POGLUT1: variants seen among roughly 807,000 people sequenced by gnomAD.
POGLUT1 encodes the protein protein O-glucosyltransferase 1.
A neutral mutation model predicts 61.3 loss-of-function variants in POGLUT1; 32 were observed. That is an observed-to-expected ratio of 0.52 (90% confidence interval 0.39 to 0.70). POGLUT1 has a LOEUF of 0.70. POGLUT1 is among the 30% of genes least tolerant of loss of function. POGLUT1 has a pLI of 0.00. For synonymous variants in POGLUT1, 158 were observed against 158.2 expected (o/e 1.00, Z 0.01); for missense variants, 411 against 469.8 (o/e 0.87, Z 1.16).
chr3:119,480,242 C>A, intron 5 of POGLUT1, 70 bp downstream of exon 5: 7 of 1,218,762 alleles, frequency 5.7e-6, no homozygotes, highest in Non-Finnish European at 7.9e-6. Flanking sequence ...AGAATATAAC[C>A]AATTATTTAC....
chr3:119,491,199 A>G, intron 9 of POGLUT1, among the ~76,000 whole-genome samples: 1 of 147,952 alleles, frequency 6.8e-6, no homozygotes, highest in Admixed American at 6.8e-5. Flanking sequence ...ATATATTTAT[A>G]TATAAATATG....
intron 3 of POGLUT1, among the ~76,000 whole-genome samples, chr3:119,475,251 T>C (rs1197676291): frequency 6.6e-6 from 1 of 152,244 alleles, no homozygotes; most frequent in Non-Finnish European, 1.5e-5. Flanking sequence ...CTTTTCCATA[T>C]AACAGTAGAT....
chr3:119,476,674 C>T (rs1203174602), intron 3 of POGLUT1, among the ~76,000 whole-genome samples: 1 of 152,222 alleles, frequency 6.6e-6, no homozygotes, highest in African/African-American at 2.4e-5. Flanking sequence ...ACAAGCTAAA[C>T]TGTCAGTGTA....
rs771397092 is a variant in POGLUT1, at chr3:119,492,278, C to G, written c.1023-4C>G. The G allele has an allele frequency of 5.6e-6, 9 of 1,593,554 alleles. No homozygotes were observed. In the Admixed American group the frequency reaches 1.6e-4, roughly 28 times the overall value. ...AACATTTTCTTGTTAAATCTTGTCTCTAGGGGAAGCCAGTTTATTAGGAAC... is the reference window on the plus strand; with the variant it reads ...AACATTTTCTTGTTAAATCTTGTCTGTAGGGGAAGCCAGTTTATTAGGAAC... On this transcript the variant is annotated splice_region_variant and splice_polypyrimidine_tract_variant and intron_variant, in intron 10 of 10. Coordinates refer to ENST00000295588, the MANE Select transcript of POGLUT1 (RefSeq NM_152305.3).
intron 6 of POGLUT1, among the ~76,000 whole-genome samples, chr3:119,486,247 G>A (rs1475515173): frequency 6.6e-6 from 1 of 152,110 alleles, no homozygotes; most frequent in Non-Finnish European, 1.5e-5. Context: ...CATTTTTCTG[G>A]GAAGGAGAGA....
chr3:119,484,153 A>G (rs1215926290), intron 5 of POGLUT1, among the ~76,000 whole-genome samples: 14 of 152,316 alleles, frequency 9.2e-5, no homozygotes, highest in South Asian at 2.1e-4. Context: ...CCATCCAGAA[A>G]AGGCCAGAGG....
At chr3:119,469,407 T>A in intron 1 of POGLUT1, 1 of 565,288 alleles carries the variant, frequency 1.8e-6, no homozygotes, top group South Asian at 2.0e-5. Context: ...CCTGAAACAC[T>A]GAGGGGTCGG....
At chr3:119,470,066 G>A (rs2081452495) in intron 2 of POGLUT1, among the ~76,000 whole-genome samples, 156 bp downstream of exon 2, 1 of 152,174 alleles carries the variant, frequency 6.6e-6, no homozygotes, top group African/African-American at 2.4e-5. Context: ...AAAGGCTCAG[G>A]TGGTGTCAAC....
Position 119,492,322 on chromosome 3 carries a change from A to G in POGLUT1, c.1063A>G (p.Ile355Val), listed in dbSNP as rs752211135. 6.2e-7 allele frequency: 1 copy of G among 1,610,858 alleles called. No homozygotes were observed. Among genetic ancestry groups the G allele is most frequent in the South Asian group, 1.1e-5 (1 of 90,626 alleles). The change falls in exon 11 of 11, where the codon ATC becomes GTC. Residue 355 changes from isoleucine to valine, a missense_variant. By Grantham distance (29) the Ile-to-Val change is conservative. Transcript: ENST00000295588. ...FIRNHLQMDD[I>V]TCYWENLLSE... ...TAGGAACCATTTGCAGATGGATGACATCACCTGTTACTGGGAGAACCTCTT... is the reference window on the plus strand; with the variant it reads ...TAGGAACCATTTGCAGATGGATGACGTCACCTGTTACTGGGAGAACCTCTT...
At chr3:119,484,410 A>T (rs1395737680) in intron 5 of POGLUT1, among the ~76,000 whole-genome samples, 2 of 152,166 alleles carry the variant, frequency 1.3e-5, no homozygotes, top group Admixed American at 6.5e-5. Context: ...GAGGGTTCCT[A>T]CGAAGCAAGT....
chr3:119,483,298 T>C (rs1560036101), intron 5 of POGLUT1, among the ~76,000 whole-genome samples: 1 of 152,204 alleles, frequency 6.6e-6, no homozygotes, highest in Non-Finnish European at 1.5e-5. Flanking sequence ...AAGGATGAAG[T>C]GAATCATAAC....
At chr3:119,470,082 C>G (rs148197731) in intron 2 of POGLUT1, among the ~76,000 whole-genome samples, 172 bp downstream of exon 2, 1 of 152,296 alleles carries the variant, frequency 6.6e-6, no homozygotes, top group Non-Finnish European at 1.5e-5. Context: ...TCAACCTAAC[C>G]ACTGACTCAC....
chr3:119,487,210 T>C (rs2081675489), intron 7 of POGLUT1, among the ~76,000 whole-genome samples: 1 of 152,200 alleles, frequency 6.6e-6, no homozygotes, highest in Non-Finnish European at 1.5e-5. Context: ...ATGTTGTAGG[T>C]TTTGCAGGTC....
intron 8 of POGLUT1, chr3:119,490,122 C>T (rs2081723886): frequency 6.1e-6 from 1 of 163,570 alleles, no homozygotes. Flanking sequence ...TTTGGGAGGC[C>T]ATGACTAGTT....
intron 5 of POGLUT1, among the ~76,000 whole-genome samples, chr3:119,480,765 G>C (rs1403088238): frequency 6.9e-6 from 1 of 144,652 alleles, no homozygotes; most frequent in Non-Finnish European, 1.5e-5. Context: ...TTGCGACACA[G>C]TCATGTTCTG....
rs1205859529 is a variant in POGLUT1 at position 119,494,531 on chromosome 3, T to C, written c.*2093T>C. The C allele has an allele frequency of 6.6e-6, 1 of 152,576 alleles. No individual in the cohort carries two copies. Among genetic ancestry groups the C allele is most frequent in the Non-Finnish European group, 1.5e-5 (1 of 68,024 alleles). 9.5% of individuals were successfully genotyped at this position (152,576 alleles called of 1,614,324 possible). A position where few individuals can be genotyped will look rare whatever the true frequency, so the allele number is the denominator to read the frequency against. On this transcript the variant is annotated 3_prime_UTR_variant, in exon 11 of 11. Coordinates refer to ENST00000295588, the MANE Select transcript of POGLUT1 (RefSeq NM_152305.3). Reference sequence around the variant, plus strand: ...AGATGATATGAGGATGGTATAACTATGTAAATTGTTTTTGAAAATAATTTG... The same window carrying C: ...AGATGATATGAGGATGGTATAACTACGTAAATTGTTTTTGAAAATAATTTG...
In POGLUT1 at chr3:119,468,998, G is replaced by GA. The variant is rs1159121320; in HGVS notation, c.-22dup. 1.3e-6 allele frequency: 2 copies of GA among 1,595,494 alleles called. No individual in the cohort carries two copies. The highest frequency in any genetic ancestry group is 1.7e-6 in the Non-Finnish European group (2 of 1,171,308). On this transcript the variant is annotated 5_prime_UTR_variant, in exon 1 of 11. Transcript: ENST00000295588. ...GCGCTTCCGCCAGCGCCGCAGCGGG[G>GA]AATCTGCAGTAGGTCTGCCGGCGAT...
rs923098652 is a variant in POGLUT1, at chr3:119,480,292, A to G, written c.578+120A>G. On this transcript the variant is annotated intron_variant, in intron 5 of 10. Coordinates refer to ENST00000295588, the MANE Select transcript of POGLUT1 (RefSeq NM_152305.3). ...AGACGGAGTTTCGCCCTTTTTGCCC[A>G]GGCTAGAGTGCAATGGCGTGATCTC... 4 of 732,484 alleles carry G rather than the reference A, an allele frequency of 5.5e-6. No homozygotes were observed. In the Admixed American group the frequency reaches 1.1e-4, roughly 20 times the overall value. The allele number at this position is 732,484 out of a possible 1,614,324, so 45.4% of individuals were successfully genotyped here. A position where few individuals can be genotyped will look rare whatever the true frequency, so the allele number is the denominator to read the frequency against.
intron 4 of POGLUT1, among the ~76,000 whole-genome samples, chr3:119,477,786 G>C (rs1430386293): frequency 6.6e-6 from 1 of 152,168 alleles, no homozygotes; most frequent in African/African-American, 2.4e-5. Context: ...CTTGGAGTTA[G>C]GGAACACCTT....
Sources: allele counts gnomAD v4.1 joint callset (sites outside exome capture counted in the v4.1 genomes callset), GRCh38; gene constraint gnomAD v4.1.1; transcripts MANE v1.5; gene names NCBI Gene and HGNC (gene_info 2026-07-23, HGNC 2026-07-21).